Variants in NCKAP5 observed in about 807,000 individuals in gnomAD.
NCKAP5 encodes the protein NCK associated protein 5, also known as nck-associated protein 5.
NCKAP5 carries 92 observed loss-of-function variants against 167.0 expected under a neutral mutation model. The observed-to-expected ratio is 0.55, with a 90% CI of 0.47 to 0.66. NCKAP5 has a LOEUF of 0.66. Among genes scored for constraint, NCKAP5 ranks in the 30% least tolerant of loss-of-function variants. The pLI, the probability that NCKAP5 is intolerant of heterozygous loss-of-function variation, is 0.00. For missense variants in NCKAP5, 2,378 were observed against 2,315.0 expected (o/e 1.03, Z -0.56); for synonymous variants, 891 against 877.4 (o/e 1.02, Z -0.27).
chr2:133,399,440 G>A (rs762828160), intron 3 of NCKAP5, among the ~76,000 whole-genome samples: 4 of 151,960 alleles, frequency 2.6e-5, no homozygotes, highest in African/African-American at 4.8e-5. Context: ...GAGGAAGGCC[G>A]GGAGGCAGTT....
intron 3 of NCKAP5, among the ~76,000 whole-genome samples, chr2:133,391,661 G>A (rs1001823015): frequency 6.6e-6 from 1 of 152,062 alleles, no homozygotes; most frequent in Admixed American, 6.6e-5. Context: ...CTAATGTTGT[G>A]TCCAAAACAT....
At chr2:133,461,254 A>AT (rs1357968516) in intron 3 of NCKAP5, among the ~76,000 whole-genome samples, 1 of 151,842 alleles carries the variant, frequency 6.6e-6, no homozygotes, top group Non-Finnish European at 1.5e-5. Context: ...TTTTCCATTC[A>AT]TTTTCTGTTG....
the NCKAP5 span, among the ~76,000 whole-genome samples, chr2:133,616,564 A>C: frequency 2.6e-5 from 4 of 152,124 alleles, no homozygotes; most frequent in Admixed American, 6.5e-5. Context: ...GAAATGGATA[A>C]ATTCCTCGAC....
intron 8 of NCKAP5, among the ~76,000 whole-genome samples, chr2:132,881,377 G>A (rs890181009): frequency 1.3e-5 from 2 of 152,032 alleles, no homozygotes; most frequent in Middle Eastern, 3.4e-3. Context: ...GTTTCACCAC[G>A]TTGGCCAGGC....
intron 11 of NCKAP5, among the ~76,000 whole-genome samples, chr2:132,799,750 C>T (rs886422475): frequency 2.0e-5 from 3 of 152,044 alleles, no homozygotes; most frequent in East Asian, 1.9e-4. Context: ...ATAATTTAAA[C>T]ATTTATTATT....
At chr2:133,274,174 T>C (rs980577154) in intron 4 of NCKAP5, among the ~76,000 whole-genome samples, 2 of 151,826 alleles carry the variant, frequency 1.3e-5, no homozygotes, top group Non-Finnish European at 2.9e-5. Flanking sequence ...AAATCAGATA[T>C]AGTAAGAGAG....
intron 9 of NCKAP5, among the ~76,000 whole-genome samples, chr2:132,878,407 C>G (rs1056080487): frequency 3.3e-5 from 5 of 152,144 alleles, no homozygotes; most frequent in African/African-American, 4.8e-5. Flanking sequence ...CCCACCCACT[C>G]TATCAAGGAT....
chr2:133,444,325 T>C (rs1228203178), intron 3 of NCKAP5, among the ~76,000 whole-genome samples: 2 of 151,842 alleles, frequency 1.3e-5, no homozygotes, highest in Non-Finnish European at 2.9e-5. Context: ...CTTTGCCAAA[T>C]GGCAAATAGC....
chr2:133,453,404 G>A (rs543329745), intron 3 of NCKAP5, among the ~76,000 whole-genome samples: 66 of 152,106 alleles, frequency 4.3e-4, no homozygotes, highest in Non-Finnish European at 4.4e-5. Flanking sequence ...AAAATAATCT[G>A]ATAAAAATAT....
intron 3 of NCKAP5, among the ~76,000 whole-genome samples, chr2:133,396,695 T>C (rs1443047942): frequency 6.6e-6 from 1 of 152,166 alleles, no homozygotes; most frequent in Non-Finnish European, 1.5e-5. Flanking sequence ...TCATTTCAAC[T>C]TGGTTACCTC....
intron 5 of NCKAP5, among the ~76,000 whole-genome samples, chr2:133,165,992 C>T (rs1420301498): frequency 6.6e-6 from 1 of 152,058 alleles, no homozygotes. Context: ...GCTTTACCAA[C>T]AGTGGGGATG....
In NCKAP5 at chr2:132,781,171, T is replaced by C; in HGVS notation, c.4930A>G (p.Asn1644Asp). 3 of 1,613,818 alleles carry C rather than the reference T, an allele frequency of 1.9e-6. No individual in the cohort carries two copies. The highest frequency in any genetic ancestry group is 2.5e-6 in the Non-Finnish European group (3 of 1,179,826). The change falls in exon 15 of 20, where the codon AAT becomes GAT. Residue 1644 changes from asparagine (N) to aspartate (D), a missense_variant. By Grantham distance (23) the Asn-to-Asp change is conservative. This residue lies in a region of NCKAP5 where 1,325 missense variants were observed against 1,274.5 expected (regional missense o/e 1.04). Transcript: ENST00000409261. ...ESGSSNASCR[N>D]VLKGSSQGSC... ...CCCTGAGAACTGCCCTTTAACACAT[T>C]CCTGCAGGAAGCATTACTTGATCCA...
intron 4 of NCKAP5, among the ~76,000 whole-genome samples, chr2:133,240,051 G>GCTATGT (rs2087608257): frequency 6.6e-6 from 1 of 151,966 alleles, no homozygotes; most frequent in Non-Finnish European, 1.5e-5. Context: ...AGCCAGAAAG[G>GCTATGT]AGACCTCACC....
intron 3 of NCKAP5, among the ~76,000 whole-genome samples, chr2:133,333,467 A>G (rs762891121): frequency 1.3e-5 from 2 of 152,144 alleles, no homozygotes; most frequent in African/African-American, 2.4e-5. Flanking sequence ...AGGAAAAGCC[A>G]TGGCCTTGAC....
At chr2:133,453,837 T>G (rs1411050782) in intron 3 of NCKAP5, among the ~76,000 whole-genome samples, 2 of 152,042 alleles carry the variant, frequency 1.3e-5, no homozygotes, top group East Asian at 3.9e-4. Context: ...TCAGAAACAT[T>G]AATGATAGAT....
Position 133,360,637 on chromosome 2 carries a change from A to C in NCKAP5, c.70-57527T>G, listed in dbSNP as rs1173353485. 6.6e-5 allele frequency among the ~76,000 whole-genome samples: 10 copies of C among 152,240 alleles called. No individual in the cohort carries two copies. In the South Asian group the frequency reaches 2.1e-3, roughly 32 times the overall value. On this transcript the variant is annotated intron_variant, in intron 3 of 19. Transcript: ENST00000409261. Reference sequence around the variant, plus strand: ...GGAGCCAATGAAGTACCCTCCTCCCAGAAGCCGAGAATAGTCTATACTGGA... The same window carrying C: ...GGAGCCAATGAAGTACCCTCCTCCCCGAAGCCGAGAATAGTCTATACTGGA...
chr2:132,741,130 A>G (rs957048752), intron 16 of NCKAP5, among the ~76,000 whole-genome samples: 4 of 151,926 alleles, frequency 2.6e-5, no homozygotes, highest in Non-Finnish European at 2.9e-5. Flanking sequence ...ATAGCCTCTG[A>G]AAAAAAACTC....
intron 4 of NCKAP5, among the ~76,000 whole-genome samples, chr2:133,270,480 T>A (rs78444386): frequency 0.1 from 15,401 of 152,094 alleles, 895 homozygotes; most frequent in South Asian, 0.15. Context: ...TAAGTAAAGG[T>A]TTGATGGAAA....
At chr2:133,634,442 C>T in the NCKAP5 span, among the ~76,000 whole-genome samples, 15 of 152,290 alleles carry the variant, frequency 9.8e-5, no homozygotes, top group East Asian at 7.7e-4. Context: ...ACATACTCTA[C>T]GCTAATAAAC....
Sources: gnomAD v4.1 joint callset for allele counts (sites outside exome capture counted in the v4.1 genomes callset) on GRCh38, gnomAD v4.1.1 for gene constraint, gnomAD v4.1.1 regional missense constraint, MANE v1.5 for transcripts, NCBI Gene and HGNC (gene_info 2026-07-23, HGNC 2026-07-21) for gene names.